The following AMBRA1 variants were observed in gnomAD, a reference collection of about 807,000 sequenced individuals.
The protein encoded by AMBRA1 is activating molecule in BECN1-regulated autophagy protein 1.
In AMBRA1, 47 loss-of-function variants were observed where a neutral mutation model predicts 125.4. The ratio of observed to expected loss-of-function variants is 0.37; its 90% CI spans 0.30 to 0.48. The LOEUF is 0.48. Ranked by LOEUF, AMBRA1 falls within the 20% of genes least tolerant of loss-of-function variation. AMBRA1 has a pLI of 0.99. For missense variants in AMBRA1, 1,331 were observed against 1,693.4 expected (o/e 0.79, Z 3.76); for synonymous variants, 626 against 655.5 (o/e 0.95, Z 0.69).
chr11:46,507,478 CAA>C (rs778680920), intron 9 of AMBRA1, among the ~76,000 whole-genome samples: 13 of 91,082 alleles, frequency 1.4e-4, no homozygotes, highest in Admixed American at 2.5e-4. Flanking sequence ...GACTCCGTCT[CAA>C]AAAAAAAAAA....
chr11:46,435,691 T>A (rs956753718), intron 12 of AMBRA1, among the ~76,000 whole-genome samples: 1 of 152,238 alleles, frequency 6.6e-6, no homozygotes, highest in Non-Finnish European at 1.5e-5. Context: ...CTATGCTCTA[T>A]GCCAATGTCC....
intron 9 of AMBRA1, among the ~76,000 whole-genome samples, chr11:46,503,562 T>G (rs114121345): frequency 7.2e-5 from 11 of 152,278 alleles, no homozygotes; most frequent in African/African-American, 2.6e-4. Flanking sequence ...AACTGCTCAA[T>G]GTCGGGTTGC....
chr11:46,478,105 G>A (rs1310687399), intron 11 of AMBRA1, among the ~76,000 whole-genome samples: 2 of 151,822 alleles, frequency 1.3e-5, no homozygotes, highest in African/African-American at 4.8e-5. Context: ...ATTCACATTT[G>A]GTCCCCATAA....
intron 1 of AMBRA1, among the ~76,000 whole-genome samples, chr11:46,562,319 G>A (rs2043366918): frequency 6.6e-6 from 1 of 152,334 alleles, no homozygotes; most frequent in African/African-American, 2.4e-5. Flanking sequence ...CAACATGGCT[G>A]GAGCACCACT....
At chr11:46,496,038 A>C (rs1444717719) in intron 9 of AMBRA1, among the ~76,000 whole-genome samples, 1 of 152,132 alleles carries the variant, frequency 6.6e-6, no homozygotes, top group African/African-American at 2.4e-5. Flanking sequence ...CAGGAGTTCA[A>C]GGTCAGCCTG....
At chr11:46,434,226 T>A (rs1947602501) in intron 13 of AMBRA1, among the ~76,000 whole-genome samples, 1 of 151,992 alleles carries the variant, frequency 6.6e-6, no homozygotes, top group Non-Finnish European at 1.5e-5. Flanking sequence ...GAAACCCACC[T>A]TTTTCATTTA....
At chr11:46,528,660 CAG>C (rs1340664416) in intron 7 of AMBRA1, among the ~76,000 whole-genome samples, 1 of 152,122 alleles carries the variant, frequency 6.6e-6, no homozygotes, top group Non-Finnish European at 1.5e-5. Flanking sequence ...TCAAAGGATA[CAG>C]AGTTTCAGTC....
chr11:46,445,269 T>C lies in AMBRA1; in HGVS notation c.2522-1671A>G, dbSNP rs147919508. Reference sequence around the variant, plus strand: ...GCTAAAACAAACCGTTCTAGATAAATGAATACCCACAAAACAAGACATCCT... The same window carrying C: ...GCTAAAACAAACCGTTCTAGATAAACGAATACCCACAAAACAAGACATCCT... On this transcript the variant is annotated intron_variant, in intron 11 of 17. Coordinates refer to ENST00000683756, the MANE Select transcript of AMBRA1 (RefSeq NM_001387011.1). Among the ~76,000 whole-genome samples the C allele has an allele frequency of 1.7e-3, 261 of 152,130 alleles. 2 individuals carry two copies. Among genetic ancestry groups the C allele is most frequent in the Middle Eastern group, 0.01 (3 of 294 alleles).
At position 46,496,861 on chromosome 11, in the gene AMBRA1, C is replaced by T. The variant is rs552494675; in HGVS notation, c.2340-2657G>A. Among the ~76,000 whole-genome samples the T allele has an allele frequency of 2.5e-4, 37 of 150,000 alleles. 1 individual carries two copies. Among genetic ancestry groups the T allele is most frequent in the Admixed American group, 9.9e-4 (15 of 15,078 alleles). On this transcript the variant is annotated intron_variant, in intron 9 of 17. Transcript: ENST00000683756. Reference sequence around the variant, plus strand: ...GTGTGGTGCCTCATGCCTGTAATCCCGGCACTTTGGGAGGCTGAGGCGGGC... The same window carrying T: ...GTGTGGTGCCTCATGCCTGTAATCCTGGCACTTTGGGAGGCTGAGGCGGGC...
chr11:46,535,882 T>C (rs1438853652), intron 7 of AMBRA1, among the ~76,000 whole-genome samples: 1 of 152,158 alleles, frequency 6.6e-6, no homozygotes, highest in Non-Finnish European at 1.5e-5. Flanking sequence ...GGACACATAT[T>C]GGCCAGGTGC....
intron 4 of AMBRA1, 44 bp from the exon 5 acceptor site, chr11:46,545,820 C>T: frequency 6.3e-7 from 1 of 1,593,848 alleles, no homozygotes; most frequent in Non-Finnish European, 8.6e-7. Flanking sequence ...TACAAGCTAC[C>T]AGCACACTGG....
chr11:46,538,795 C>T (rs1287682300), intron 7 of AMBRA1, among the ~76,000 whole-genome samples: 2 of 152,072 alleles, frequency 1.3e-5, no homozygotes, highest in African/African-American at 2.4e-5. Context: ...ACTGCACCTA[C>T]CCAGTAGTTT....
intron 1 of AMBRA1, among the ~76,000 whole-genome samples, chr11:46,566,261 T>C (rs2043528275): frequency 6.6e-6 from 1 of 151,854 alleles, no homozygotes; most frequent in South Asian, 2.1e-4. Flanking sequence ...CTACTAAAAA[T>C]ACAAAAACTA....
intron 11 of AMBRA1, among the ~76,000 whole-genome samples, chr11:46,478,957 G>C (rs1949943795): frequency 6.6e-6 from 1 of 152,186 alleles, no homozygotes; most frequent in Admixed American, 6.5e-5. Flanking sequence ...CTAACACTTT[G>C]GGAGGCCAAG....
chr11:46,509,858 T>A (rs1351526590), intron 8 of AMBRA1, among the ~76,000 whole-genome samples: 1 of 152,074 alleles, frequency 6.6e-6, no homozygotes, highest in East Asian at 1.9e-4. Flanking sequence ...AGATTTTCGG[T>A]TTTTTAATGG....
chr11:46,548,123 C>T, intron 2 of AMBRA1, 123 bp downstream of exon 2: 4 of 1,407,646 alleles, frequency 2.8e-6, no homozygotes. Context: ...CTCCCTAAGT[C>T]AGATATGTCA....
chr11:46,486,717 C>T lies in AMBRA1; in HGVS notation c.2521+6891G>A, dbSNP rs946988672. Among the ~76,000 whole-genome samples, 15 of 152,012 alleles carry T rather than the reference C, an allele frequency of 9.9e-5. No homozygotes were observed. In the East Asian group the frequency reaches 2.9e-3, roughly 29 times the overall value. ...GGTCAGGAGTTCGAGATCAGCCTGGCCAACATAGTGAAACACCGTCTCTAC... is the reference window on the plus strand; with the variant it reads ...GGTCAGGAGTTCGAGATCAGCCTGGTCAACATAGTGAAACACCGTCTCTAC... On this transcript the variant is annotated intron_variant, in intron 11 of 17. Coordinates refer to ENST00000683756, the MANE Select transcript of AMBRA1 (RefSeq NM_001387011.1).
chr11:46,501,907 C>T (rs1185000752), intron 9 of AMBRA1, among the ~76,000 whole-genome samples: 3 of 152,138 alleles, frequency 2.0e-5, no homozygotes, highest in Non-Finnish European at 2.9e-5. Flanking sequence ...GCTTAAGTTA[C>T]AGTTTCCAAA....
intron 14 of AMBRA1, 54 bp downstream of exon 14, chr11:46,433,420 C>T: frequency 1.9e-6 from 3 of 1,591,016 alleles, no homozygotes; most frequent in Non-Finnish European, 2.6e-6. Context: ...CCTCATTACC[C>T]TTCCAAGCCT....
Sources: gnomAD v4.1 joint callset for allele counts (sites outside exome capture counted in the v4.1 genomes callset) on GRCh38, gnomAD v4.1.1 for gene constraint, MANE v1.5 for transcripts, NCBI Gene and HGNC (gene_info 2026-07-23, HGNC 2026-07-21) for gene names.